ARHGEF26: variants seen among roughly 807,000 people sequenced by gnomAD.
The protein encoded by ARHGEF26 is Rho guanine nucleotide exchange factor 26, also known as Rho guanine nucleotide exchange factor (GEF) 26.
Under a neutral mutation model 89.4 loss-of-function variants are expected in ARHGEF26, and 59 were observed. That is an observed-to-expected ratio of 0.66 (90% confidence interval 0.54 to 0.82). The LOEUF (loss-of-function observed/expected upper bound fraction) is 0.82, where lower values mean the gene tolerates loss of function less well. ARHGEF26 is among the 40% of genes least tolerant of loss of function. ARHGEF26 has a pLI of 0.00. For missense variants in ARHGEF26, 1,234 were observed against 1,085.6 expected, an observed-to-expected ratio of 1.14 and a Z score of -1.92; for synonymous variants, 500 against 428.4, an observed-to-expected ratio of 1.17 and a Z score of -2.06.
chr3:154,149,925 T>TAAAA (rs34955313), intron 5 of ARHGEF26, among the ~76,000 whole-genome samples: 7 of 139,520 alleles, frequency 5.0e-5, no homozygotes, highest in African/African-American at 1.8e-4. Context: ...GTTTATTTAG[T>TAAAA]AAAAAAAAAA....
chr3:154,192,754 TA>T (rs774985239), intron 8 of ARHGEF26, among the ~76,000 whole-genome samples: 3 of 152,242 alleles, frequency 2.0e-5, no homozygotes, highest in Non-Finnish European at 4.4e-5. Context: ...GAATGCCTTG[TA>T]AATACAACAT....
At chr3:154,193,908 C>T (rs1042683974) in intron 8 of ARHGEF26, among the ~76,000 whole-genome samples, 6 of 151,668 alleles carry the variant, frequency 4.0e-5, no homozygotes, top group South Asian at 2.1e-4. Context: ...GATCTCGGCT[C>T]GCTGCAACCT....
intron 4 of ARHGEF26, among the ~76,000 whole-genome samples, chr3:154,136,877 T>C (rs1576689209): frequency 6.6e-6 from 1 of 152,206 alleles, no homozygotes; most frequent in South Asian, 2.1e-4. Context: ...ACCATATCTT[T>C]TTTTGTGTGT....
At chr3:154,126,501 A>G (rs554567552) in intron 3 of ARHGEF26, among the ~76,000 whole-genome samples, 1 of 152,228 alleles carries the variant, frequency 6.6e-6, no homozygotes, top group South Asian at 2.1e-4. Flanking sequence ...GACTACCCCA[A>G]TAGCTTCTTA....
intron 5 of ARHGEF26, among the ~76,000 whole-genome samples, chr3:154,151,058 T>G (rs1310970951): frequency 6.6e-6 from 1 of 152,194 alleles, no homozygotes; most frequent in South Asian, 2.1e-4. Context: ...CTTGATGTAA[T>G]CAGAAGTAAG....
chr3:154,246,808 A>G (rs1160216071), intron 12 of ARHGEF26, among the ~76,000 whole-genome samples: 1 of 152,316 alleles, frequency 6.6e-6, no homozygotes, highest in East Asian at 1.9e-4. Flanking sequence ...CAACTGATGG[A>G]TTGGATGAGT....
chr3:154,171,307 T>G (rs1339369671), intron 6 of ARHGEF26, among the ~76,000 whole-genome samples: 1 of 152,188 alleles, frequency 6.6e-6, no homozygotes, highest in Non-Finnish European at 1.5e-5. Context: ...TCTACCCTAC[T>G]ATCAACATCC....
intron 3 of ARHGEF26, among the ~76,000 whole-genome samples, chr3:154,128,888 C>T (rs1718502415): frequency 6.6e-6 from 1 of 152,192 alleles, no homozygotes; most frequent in Non-Finnish European, 1.5e-5. Context: ...TTCTTCATGA[C>T]ACTTATCAGC....
chr3:154,233,297 T>A (rs11919203), intron 11 of ARHGEF26, among the ~76,000 whole-genome samples: 1,682 of 152,226 alleles, frequency 0.011, 24 homozygotes, highest in African/African-American at 0.038. Context: ...TGAAAAAAAA[T>A]TTTTAACTCC....
intron 9 of ARHGEF26, among the ~76,000 whole-genome samples, chr3:154,215,136 C>T (rs1035020238): frequency 3.3e-5 from 5 of 152,160 alleles, no homozygotes; most frequent in African/African-American, 9.7e-5. Flanking sequence ...CATGATCTAA[C>T]CGTGGCCTAT....
At chr3:154,253,272 A>G (rs1245356352) in intron 13 of ARHGEF26, 89 bp downstream of exon 13, 1 of 1,459,498 alleles carries the variant, frequency 6.9e-7, no homozygotes, top group East Asian at 2.3e-5. Flanking sequence ...TTATATTGCC[A>G]CAATACTTGC....
intron 4 of ARHGEF26, among the ~76,000 whole-genome samples, chr3:154,134,000 T>G (rs2108056144): frequency 6.6e-6 from 1 of 152,268 alleles, no homozygotes; most frequent in Middle Eastern, 3.4e-3. Flanking sequence ...GCTTGACTGT[T>G]GTTGGTGTAT....
At chr3:154,253,059 C>T in intron 12 of ARHGEF26, 57 bp from the exon 13 acceptor site, 3 of 1,598,604 alleles carry the variant, frequency 1.9e-6, no homozygotes, top group Non-Finnish European at 2.6e-6. Context: ...CTAGAAAACA[C>T]TCCATTCTGT....
intron 4 of ARHGEF26, among the ~76,000 whole-genome samples, chr3:154,141,217 G>A (rs1576694871): frequency 6.6e-6 from 1 of 151,918 alleles, no homozygotes; most frequent in Admixed American, 6.6e-5. Context: ...CGCCCGCCTC[G>A]GCCTCCCAAA....
chr3:154,140,998 G>A (rs1398887367), intron 4 of ARHGEF26, among the ~76,000 whole-genome samples: 10 of 149,952 alleles, frequency 6.7e-5, no homozygotes, highest in Admixed American at 6.7e-4. Context: ...GTCTTGCTCT[G>A]TCGCCCAGGC....
chr3:154,254,943 G>T, intron 14 of ARHGEF26, 119 bp downstream of exon 14: 1 of 845,712 alleles, frequency 1.2e-6, no homozygotes, highest in Non-Finnish European at 1.9e-6. Context: ...TAATGTTTGA[G>T]ATCACATATA....
chr3:154,138,532 C>T (rs1702318745), intron 4 of ARHGEF26, among the ~76,000 whole-genome samples: 1 of 152,082 alleles, frequency 6.6e-6, no homozygotes, highest in East Asian at 1.9e-4. Flanking sequence ...GTAATTGATT[C>T]TTCTGAGAGA....
chr3:154,251,613 A>C (rs1718151593), intron 12 of ARHGEF26, among the ~76,000 whole-genome samples: 1 of 152,238 alleles, frequency 6.6e-6, no homozygotes, highest in Admixed American at 6.5e-5. Context: ...AAACAGGATT[A>C]TCAGACTGGG....
At chr3:154,185,412 C>A (rs1241731251) in intron 6 of ARHGEF26, among the ~76,000 whole-genome samples, 1 of 152,082 alleles carries the variant, frequency 6.6e-6, no homozygotes, top group East Asian at 1.9e-4. Flanking sequence ...CAATCCACCC[C>A]TATTTCAGGC....
Sources: gnomAD v4.1 joint callset for allele counts (sites outside exome capture counted in the v4.1 genomes callset) on GRCh38, gnomAD v4.1.1 for gene constraint, MANE v1.5 for transcripts, NCBI Gene and HGNC (gene_info 2026-07-23, HGNC 2026-07-21) for gene names.